DOCK2: variants seen among roughly 807,000 people sequenced by gnomAD.
DOCK2 encodes the protein dedicator of cytokinesis 2, also known as dedicator of cytokinesis protein 2.
Under a neutral mutation model 248.9 loss-of-function variants are expected in DOCK2, and 87 were observed. The observed-to-expected ratio is 0.35, with a 90% CI of 0.29 to 0.42. The LOEUF (loss-of-function observed/expected upper bound fraction) is 0.42, where lower values mean the gene tolerates loss of function less well. DOCK2 is among the 10% of genes least tolerant of loss of function. DOCK2 has a pLI of 1.00. For synonymous variants in DOCK2, 805 were observed against 821.6 expected (o/e 0.98, Z 0.35); for missense variants, 1,747 against 2,300.2 (o/e 0.76, Z 4.92).
intron 26 of DOCK2, among the ~76,000 whole-genome samples, chr5:169,830,208 G>A (rs545159803): frequency 5.3e-5 from 8 of 152,326 alleles, no homozygotes; most frequent in Non-Finnish European, 1.2e-4. Flanking sequence ...TTTGTAACAT[G>A]GGAAGAACCA....
chr5:169,746,680 A>C (rs1263930118), intron 22 of DOCK2, among the ~76,000 whole-genome samples: 2 of 152,272 alleles, frequency 1.3e-5, no homozygotes, highest in Middle Eastern at 6.8e-3. Flanking sequence ...GTACCTGGAG[A>C]CTGGTTTTAC....
chr5:169,854,434 C>T (rs1770788671), intron 27 of DOCK2, among the ~76,000 whole-genome samples: 1 of 152,106 alleles, frequency 6.6e-6, no homozygotes, highest in Admixed American at 6.5e-5. Flanking sequence ...ATCTGCCTGC[C>T]TCAGCCTCCC....
At chr5:170,012,366 G>A (rs1755333599) in intron 32 of DOCK2, among the ~76,000 whole-genome samples, 2 of 152,180 alleles carry the variant, frequency 1.3e-5, no homozygotes, top group Admixed American at 1.3e-4. Context: ...GACTGATAAT[G>A]AGTAAATCAT....
intron 46 of DOCK2, among the ~76,000 whole-genome samples, chr5:170,074,611 G>T (rs2113873708): frequency 6.6e-6 from 1 of 152,296 alleles, no homozygotes; most frequent in South Asian, 2.1e-4. Flanking sequence ...GGGAAGTGGA[G>T]CTCTCAGGAC....
At chr5:170,025,543 G>A (rs965059993) in intron 33 of DOCK2, among the ~76,000 whole-genome samples, 9 of 152,308 alleles carry the variant, frequency 5.9e-5, no homozygotes, top group Middle Eastern at 3.4e-3. Flanking sequence ...CCAGACAGCC[G>A]CACAGCAGAC....
intron 42 of DOCK2, 123 bp downstream of exon 42, chr5:170,055,509 T>C: frequency 8.6e-6 from 7 of 817,456 alleles, no homozygotes; most frequent in Non-Finnish European, 5.9e-6. Flanking sequence ...TAGCCAGTTT[T>C]TCCCCCCTTT....
intron 38 of DOCK2, among the ~76,000 whole-genome samples, chr5:170,043,113 G>A (rs955563615): frequency 2.0e-5 from 3 of 152,210 alleles, no homozygotes; most frequent in African/African-American, 4.8e-5. Context: ...CCTTCAGGAA[G>A]TACCAGCCCC....
At chr5:169,639,330 A>G (rs922033195) in intron 1 of DOCK2, among the ~76,000 whole-genome samples, 1 of 152,186 alleles carries the variant, frequency 6.6e-6, no homozygotes, top group African/African-American at 2.4e-5. Context: ...TTCTCCTTGC[A>G]GGAGAGAGGA....
chr5:169,919,521 G>C (rs1420190282), intron 27 of DOCK2, among the ~76,000 whole-genome samples: 1 of 152,230 alleles, frequency 6.6e-6, no homozygotes, highest in Non-Finnish European at 1.5e-5. Context: ...ATCTGGTTTT[G>C]TTTTGACCTT....
At chr5:169,837,397 A>C (rs1407226316) in intron 26 of DOCK2, among the ~76,000 whole-genome samples, 2 of 152,162 alleles carry the variant, frequency 1.3e-5, no homozygotes, top group Non-Finnish European at 2.9e-5. Context: ...TCATCTTGAA[A>C]GTTTTCCATT....
intron 22 of DOCK2, among the ~76,000 whole-genome samples, chr5:169,739,930 C>T (rs1325845283): frequency 3.9e-5 from 6 of 152,152 alleles, no homozygotes; most frequent in African/African-American, 1.4e-4. Context: ...AGTGTGCATG[C>T]GTGTGCTTCT....
At chr5:169,943,469 C>A (rs563354315) in intron 27 of DOCK2, among the ~76,000 whole-genome samples, 1 of 152,270 alleles carries the variant, frequency 6.6e-6, no homozygotes, top group South Asian at 2.1e-4. Flanking sequence ...GGAGTTTTCA[C>A]ATAAAAAGAT....
intron 33 of DOCK2, 98 bp from the exon 34 acceptor site, chr5:170,027,765 A>C: frequency 9.0e-7 from 1 of 1,115,770 alleles, no homozygotes; most frequent in South Asian, 1.5e-5. Context: ...TGGGAGATAA[A>C]GAGTGCTCCC....
chr5:169,854,245 G>A (rs1019112444), intron 27 of DOCK2, among the ~76,000 whole-genome samples: 2 of 151,524 alleles, frequency 1.3e-5, no homozygotes, highest in African/African-American at 2.4e-5. Flanking sequence ...GAGTGCAGTG[G>A]CATGATCTCA....
intron 5 of DOCK2, among the ~76,000 whole-genome samples, chr5:169,672,299 C>T (rs537256367): frequency 5.3e-5 from 8 of 152,300 alleles, no homozygotes; most frequent in Admixed American, 2.0e-4. Flanking sequence ...TGAGCCACCA[C>T]GCCCGGCCTA....
chr5:169,673,351 A>G (rs189119172), intron 5 of DOCK2, among the ~76,000 whole-genome samples: 4 of 152,224 alleles, frequency 2.6e-5, no homozygotes, highest in Admixed American at 2.6e-4. Flanking sequence ...TTTTAGGAGC[A>G]CTGCTTCAAG....
chr5:169,807,855 A>AAAAAAAAAAAAAAAAAAAAAAAAAAC (rs1767487914), intron 26 of DOCK2, among the ~76,000 whole-genome samples: 1 of 149,762 alleles, frequency 6.7e-6, no homozygotes, highest in Non-Finnish European at 1.5e-5. Context: ...AAAAAAAAAA[A>AAAAAAAAAAAAAAAAAAAAAAAAAAC]AAAATCTAGC....
At chr5:170,071,667 C>A (rs1265973910) in intron 46 of DOCK2, among the ~76,000 whole-genome samples, 3 of 152,086 alleles carry the variant, frequency 2.0e-5, no homozygotes, top group African/African-American at 7.2e-5. Context: ...TTGACCACCA[C>A]CCAGATGAAA....
At chr5:169,734,922 C>T (rs540479925) in intron 22 of DOCK2, among the ~76,000 whole-genome samples, 14 of 152,290 alleles carry the variant, frequency 9.2e-5, no homozygotes, top group African/African-American at 3.1e-4. Flanking sequence ...GCAAAGCTGG[C>T]TGCATTGCTC....
Sources: gnomAD v4.1 joint callset for allele counts (sites outside exome capture counted in the v4.1 genomes callset) on GRCh38, gnomAD v4.1.1 for gene constraint, MANE v1.5 for transcripts, NCBI Gene and HGNC (gene_info 2026-07-23, HGNC 2026-07-21) for gene names.